DPP10: variants seen among roughly 807,000 people sequenced by gnomAD.
DPP10 encodes the protein inactive dipeptidyl peptidase 10.
In DPP10, 33 loss-of-function variants were observed where a neutral mutation model predicts 120.9. The observed-to-expected ratio is 0.27, with a 90% CI of 0.21 to 0.37. The LOEUF (loss-of-function observed/expected upper bound fraction) is 0.37, where lower values mean the gene tolerates loss of function less well. DPP10 is among the 10% of genes least tolerant of loss of function. The probability of loss-of-function intolerance (pLI) is 1.00; values close to 1 mark genes in which losing one functional copy is unlikely to be tolerated. For synonymous variants in DPP10, 337 were observed against 326.1 expected (o/e 1.03, Z -0.36); for missense variants, 816 against 942.8 (o/e 0.87, Z 1.76).
chr2:115,753,069 ATAGTGG>A, intron 10 of DPP10, 99 bp from the exon 11 acceptor site: 2 of 1,034,316 alleles, frequency 1.9e-6, no homozygotes, highest in Non-Finnish European at 2.7e-6. Context: ...CAACATCCTT[ATAGTGG>A]TTCAGTTATT....
intron 1 of DPP10, among the ~76,000 whole-genome samples, chr2:114,900,470 G>A (rs1167767698): frequency 6.6e-6 from 1 of 152,158 alleles, no homozygotes; most frequent in Admixed American, 6.5e-5. Context: ...TAAGGAAATT[G>A]AACACATATT....
rs143202540 is a variant in DPP10 at position 115,397,341 on chromosome 2, A to T, written c.271+53429A>T. ...GCATTGTTATATTTATTTGCATCTT[A>T]CTGTCTAACTAGACTTTAGTTGAAC... On this transcript the variant is annotated intron_variant, in intron 3 of 25. Transcript: ENST00000410059. Among the ~76,000 whole-genome samples, 359 of 152,336 alleles carry T rather than the reference A, an allele frequency of 2.4e-3. 2 individuals carry two copies. Among genetic ancestry groups the T allele is most frequent in the African/African-American group, 8.3e-3 (344 of 41,578 alleles).
intron 7 of DPP10, among the ~76,000 whole-genome samples, chr2:115,712,406 A>AAC (rs2092347724): frequency 6.6e-6 from 1 of 151,038 alleles, no homozygotes; most frequent in African/African-American, 2.4e-5. Flanking sequence ...TCCTGCTGTG[A>AAC]AGCCCAGTTC....
chr2:115,650,317 T>C (rs980313253), intron 5 of DPP10, among the ~76,000 whole-genome samples: 2 of 151,226 alleles, frequency 1.3e-5, no homozygotes, highest in Non-Finnish European at 2.9e-5. Flanking sequence ...CTAAAAGTTT[T>C]CACTGAGTAA....
At chr2:115,836,384 C>G (rs1689531433) in intron 22 of DPP10, 123 bp from the exon 23 acceptor site, 10 of 1,395,350 alleles carry the variant, frequency 7.2e-6, no homozygotes, top group Non-Finnish European at 9.9e-6. Flanking sequence ...CTGTTTATCT[C>G]CTCCTTGATT....
At chr2:114,894,426 A>G (rs1692798801) in intron 1 of DPP10, among the ~76,000 whole-genome samples, 1 of 152,194 alleles carries the variant, frequency 6.6e-6, no homozygotes, top group South Asian at 2.1e-4. Flanking sequence ...ACAAAGGATT[A>G]TCTAAGGTTT....
intron 5 of DPP10, among the ~76,000 whole-genome samples, chr2:115,683,196 T>TTC (rs1443196116): frequency 2.0e-5 from 3 of 151,860 alleles, no homozygotes; most frequent in Admixed American, 6.6e-5. Context: ...TGAAAACACA[T>TTC]GGATGAAATG....
At chr2:115,250,211 A>G (rs1052209980) in intron 1 of DPP10, among the ~76,000 whole-genome samples, 1 of 152,146 alleles carries the variant, frequency 6.6e-6, no homozygotes, top group Non-Finnish European at 1.5e-5. Context: ...AGTGTTGTAC[A>G]TTGTTTAATG....
chr2:115,643,829 A>G (rs2086990235), intron 5 of DPP10, among the ~76,000 whole-genome samples: 1 of 152,142 alleles, frequency 6.6e-6, no homozygotes, highest in Non-Finnish European at 1.5e-5. Flanking sequence ...TTAGTCAGTT[A>G]TTTTTTATGC....
intron 1 of DPP10, among the ~76,000 whole-genome samples, chr2:115,078,706 A>G (rs1399535480): frequency 6.6e-6 from 1 of 152,218 alleles, no homozygotes; most frequent in Non-Finnish European, 1.5e-5. Flanking sequence ...GCAATATACA[A>G]CACGGGATTG....
chr2:114,636,702 A>C (rs1695327979), intron 1 of DPP10, among the ~76,000 whole-genome samples: 1 of 151,948 alleles, frequency 6.6e-6, no homozygotes, highest in Non-Finnish European at 1.5e-5. Context: ...CTACGGATGC[A>C]GACTACTCTC....
At chr2:115,706,006 A>G (rs2092092097) in intron 7 of DPP10, among the ~76,000 whole-genome samples, 1 of 151,890 alleles carries the variant, frequency 6.6e-6, no homozygotes, top group African/African-American at 2.4e-5. Context: ...AAAAAACAGG[A>G]AACAAAACCT....
At chr2:114,462,613 A>C (rs143402448) in intron 1 of DPP10, among the ~76,000 whole-genome samples, 79 of 152,320 alleles carry the variant, frequency 5.2e-4, no homozygotes, top group African/African-American at 1.8e-3. Flanking sequence ...ACAAGGGTCT[A>C]TGCTATCAAC....
chr2:114,534,944 T>C (rs1382761639), intron 1 of DPP10, among the ~76,000 whole-genome samples: 2 of 152,276 alleles, frequency 1.3e-5, no homozygotes, highest in Non-Finnish European at 2.9e-5. Flanking sequence ...GTGTAACTTG[T>C]GTTGGTTTTC....
At chr2:114,493,309 C>T (rs1682166764) in intron 1 of DPP10, among the ~76,000 whole-genome samples, 1 of 152,002 alleles carries the variant, frequency 6.6e-6, no homozygotes, top group Non-Finnish European at 1.5e-5. Flanking sequence ...GAGAAAGGGC[C>T]AGAGAGCGGG....
chr2:115,352,574 A>G (rs2064105681), intron 3 of DPP10, among the ~76,000 whole-genome samples: 1 of 152,188 alleles, frequency 6.6e-6, no homozygotes, highest in African/African-American at 2.4e-5. Flanking sequence ...TCCAACATGT[A>G]TTGAAAAGAT....
chr2:115,286,526 A>ATATATATAT (rs10675008), intron 1 of DPP10, among the ~76,000 whole-genome samples: 2,659 of 60,710 alleles, frequency 0.044, 256 homozygotes, highest in Middle Eastern at 0.089. Flanking sequence ...ATATATATAT[A>ATATATATAT]ATATATATAT....
At chr2:115,136,215 A>G (rs1219679597) in intron 1 of DPP10, among the ~76,000 whole-genome samples, 2 of 152,106 alleles carry the variant, frequency 1.3e-5, no homozygotes, top group East Asian at 1.9e-4. Flanking sequence ...AGTAGCCCTG[A>G]GGAGGATTCT....
At chr2:115,359,988 T>G (rs565928680) in intron 3 of DPP10, among the ~76,000 whole-genome samples, 2 of 152,312 alleles carry the variant, frequency 1.3e-5, no homozygotes, top group South Asian at 4.1e-4. Flanking sequence ...TTAAAATGCT[T>G]GTGTTGTCTT....
Sources: gnomAD v4.1 joint callset for allele counts (sites outside exome capture counted in the v4.1 genomes callset) on GRCh38, gnomAD v4.1.1 for gene constraint, MANE v1.5 for transcripts, NCBI Gene and HGNC (gene_info 2026-07-23, HGNC 2026-07-21) for gene names.